PLXDC2: variants seen among roughly 807,000 people sequenced by gnomAD.
PLXDC2 encodes plexin domain containing 2.
PLXDC2 carries 40 observed loss-of-function variants against 68.9 expected under a neutral mutation model. The ratio of observed to expected loss-of-function variants is 0.58; its 90% CI spans 0.45 to 0.76. The LOEUF is 0.76. Among genes scored for constraint, PLXDC2 ranks in the 30% least tolerant of loss-of-function variants. The probability of loss-of-function intolerance (pLI) is 0.00; values close to 1 mark genes in which losing one functional copy is unlikely to be tolerated. For synonymous variants in PLXDC2, 243 were observed against 234.2 expected (o/e 1.04, Z -0.34); for missense variants, 644 against 661.9 (o/e 0.97, Z 0.30).
At chr10:20,103,189 T>A (rs980203293) in intron 4 of PLXDC2, among the ~76,000 whole-genome samples, 8 of 152,194 alleles carry the variant, frequency 5.3e-5, no homozygotes, top group African/African-American at 1.9e-4. Context: ...AATATTTTAA[T>A]TTTTATTTAT....
chr10:19,855,511 A>G (rs1837195558), intron 1 of PLXDC2, among the ~76,000 whole-genome samples: 2 of 152,198 alleles, frequency 1.3e-5, no homozygotes, highest in Non-Finnish European at 1.5e-5. Flanking sequence ...AATGTTCTTT[A>G]TCTGAAATTC....
At chr10:20,214,818 G>A (rs528679721) in intron 10 of PLXDC2, among the ~76,000 whole-genome samples, 61 of 152,142 alleles carry the variant, frequency 4.0e-4, no homozygotes, top group South Asian at 1.0e-3. Flanking sequence ...TCCTGTTTAC[G>A]GAATACTAGG....
chr10:19,895,897 G>T (rs1838048791), intron 1 of PLXDC2, among the ~76,000 whole-genome samples: 1 of 152,126 alleles, frequency 6.6e-6, no homozygotes, highest in Admixed American at 6.6e-5. Flanking sequence ...TTCAGCCTGG[G>T]TGACAGAGCA....
chr10:20,012,746 C>G (rs1243150101), intron 2 of PLXDC2, among the ~76,000 whole-genome samples: 1 of 152,104 alleles, frequency 6.6e-6, no homozygotes, highest in Non-Finnish European at 1.5e-5. Context: ...ATCAAGTACT[C>G]AAATGTTCAA....
intron 1 of PLXDC2, among the ~76,000 whole-genome samples, chr10:19,848,158 AG>A (rs1837044974): frequency 6.6e-6 from 1 of 152,178 alleles, no homozygotes; most frequent in Admixed American, 6.5e-5. Context: ...ATTAAAAAAA[AG>A]AAACAGTTGT....
chr10:20,053,646 A>G (rs1037307161), intron 3 of PLXDC2, among the ~76,000 whole-genome samples: 1 of 152,078 alleles, frequency 6.6e-6, no homozygotes, highest in African/African-American at 2.4e-5. Context: ...GTTTGATTCA[A>G]CTGCCAGACA....
At chr10:20,135,942 T>TTA (rs2131781099) in intron 4 of PLXDC2, among the ~76,000 whole-genome samples, 1 of 152,318 alleles carries the variant, frequency 6.6e-6, no homozygotes, top group Admixed American at 6.5e-5. Context: ...ATTGACAATA[T>TTA]TATAGTTTGC....
At chr10:20,158,123 C>G (rs74398145) in intron 6 of PLXDC2, among the ~76,000 whole-genome samples, 1 of 151,736 alleles carries the variant, frequency 6.6e-6, no homozygotes, top group Non-Finnish European at 1.5e-5. Context: ...CTTCCTGACA[C>G]CCCCAGGATC....
intron 1 of PLXDC2, among the ~76,000 whole-genome samples, chr10:19,976,375 G>A (rs912656290): frequency 2.6e-5 from 4 of 151,892 alleles, no homozygotes; most frequent in Admixed American, 6.6e-5. Context: ...CACCACACCC[G>A]GCTAATTTTT....
At chr10:19,828,852 T>A (rs1367274857) in intron 1 of PLXDC2, among the ~76,000 whole-genome samples, 1 of 152,178 alleles carries the variant, frequency 6.6e-6, no homozygotes, top group Non-Finnish European at 1.5e-5. Context: ...TCAACAGGCC[T>A]GGCCTTTCTA....
At chr10:20,211,455 T>A (rs529523572) in intron 9 of PLXDC2, among the ~76,000 whole-genome samples, 1 of 152,174 alleles carries the variant, frequency 6.6e-6, no homozygotes. Flanking sequence ...CCATGTGCGA[T>A]CCTAACAGTG....
chr10:20,259,416 A>AT (rs1240394846), intron 13 of PLXDC2, among the ~76,000 whole-genome samples: 2 of 152,168 alleles, frequency 1.3e-5, no homozygotes, highest in Non-Finnish European at 2.9e-5. Flanking sequence ...CAGCATAATT[A>AT]TTTTTTTATT....
intron 1 of PLXDC2, among the ~76,000 whole-genome samples, chr10:19,824,874 T>C (rs1164179062): frequency 6.6e-6 from 1 of 152,218 alleles, no homozygotes; most frequent in Admixed American, 6.5e-5. Flanking sequence ...TATAGATTTG[T>C]ATATTTAAAT....
intron 12 of PLXDC2, among the ~76,000 whole-genome samples, chr10:20,224,077 G>A (rs879261217): frequency 4.0e-5 from 6 of 151,008 alleles, no homozygotes; most frequent in Admixed American, 1.3e-4. Context: ...TGGTTCAAGC[G>A]ATTCACCTGT....
chr10:20,021,986 C>T (rs1009724432), intron 2 of PLXDC2, among the ~76,000 whole-genome samples: 2 of 152,174 alleles, frequency 1.3e-5, no homozygotes, highest in Non-Finnish European at 2.9e-5. Flanking sequence ...CGTGAGCCAC[C>T]ACGCCCAGCT....
intron 13 of PLXDC2, among the ~76,000 whole-genome samples, chr10:20,266,606 A>G (rs968394508): frequency 6.6e-6 from 1 of 152,218 alleles, no homozygotes; most frequent in African/African-American, 2.4e-5. Context: ...TGTTTCAGTG[A>G]GAAAAGTAAA....
chr10:20,122,406 C>T (rs568969616), intron 4 of PLXDC2, among the ~76,000 whole-genome samples: 108 of 152,234 alleles, frequency 7.1e-4, no homozygotes, highest in Middle Eastern at 3.4e-3. Context: ...GCTTTCGAGG[C>T]GATTGGGCAG....
chr10:19,883,561 AAC>A (rs1430815684), intron 1 of PLXDC2, among the ~76,000 whole-genome samples: 7 of 152,134 alleles, frequency 4.6e-5, no homozygotes, highest in Non-Finnish European at 2.9e-5. Context: ...GGTCACAAGG[AAC>A]ACACACAAAA....
chr10:20,082,939 A>T (rs1836596288), intron 4 of PLXDC2, among the ~76,000 whole-genome samples: 1 of 141,808 alleles, frequency 7.1e-6, no homozygotes, highest in Non-Finnish European at 1.5e-5. Flanking sequence ...TTACATATAT[A>T]TGTACATATA....
Sources: allele counts gnomAD v4.1 joint callset (sites outside exome capture counted in the v4.1 genomes callset), GRCh38; gene constraint gnomAD v4.1.1; transcripts MANE v1.5; gene names NCBI Gene and HGNC (gene_info 2026-07-23, HGNC 2026-07-21).